CEP57L1: variants seen among roughly 807,000 people sequenced by gnomAD.
CEP57L1 encodes centrosomal protein 57 like 1.
In CEP57L1, 37 loss-of-function variants were observed where a neutral mutation model predicts 61.0. The ratio of observed to expected loss-of-function variants is 0.61; its 90% confidence interval spans 0.47 to 0.80. The LOEUF (loss-of-function observed/expected upper bound fraction) is 0.80. CEP57L1 is among the 30% of genes least tolerant of loss of function. CEP57L1 has a pLI of 0.00. For missense variants in CEP57L1, 422 were observed against 524.7 expected, an observed-to-expected ratio of 0.80 and a Z score of 1.91; for synonymous variants, 137 against 162.3, an observed-to-expected ratio of 0.84 and a Z score of 1.19.
intron 1 of CEP57L1, among the ~76,000 whole-genome samples, chr6:109,121,150 G>A (rs1461451802): frequency 6.6e-6 from 1 of 152,116 alleles, no homozygotes; most frequent in Admixed American, 6.6e-5. Flanking sequence ...GTTAGCAGTG[G>A]TTGTTTGTAT....
intron 1 of CEP57L1, among the ~76,000 whole-genome samples, chr6:109,128,953 C>T (rs536966134): frequency 6.6e-6 from 1 of 152,238 alleles, no homozygotes; most frequent in Admixed American, 6.5e-5. Flanking sequence ...AATCCCAGCA[C>T]TTTGGGAGGC....
chr6:109,161,674 G>T (rs1333672089), intron 10 of CEP57L1, among the ~76,000 whole-genome samples: 2 of 152,026 alleles, frequency 1.3e-5, no homozygotes, highest in African/African-American at 4.8e-5. Flanking sequence ...GATTGTTTTG[G>T]AGTGAAGATT....
chr6:109,154,371 G>A (rs1165133628), intron 5 of CEP57L1, among the ~76,000 whole-genome samples: 1 of 152,036 alleles, frequency 6.6e-6, no homozygotes, highest in Non-Finnish European at 1.5e-5. Context: ...CACTCAGGAA[G>A]TTCTCCCTTT....
intron 1 of CEP57L1, among the ~76,000 whole-genome samples, chr6:109,096,977 G>A (rs1326138411): frequency 6.6e-6 from 1 of 152,054 alleles, no homozygotes; most frequent in Non-Finnish European, 1.5e-5. Flanking sequence ...ATATCTCTTG[G>A]ATATTTCTTC....
intron 1 of CEP57L1, among the ~76,000 whole-genome samples, chr6:109,127,537 C>CT (rs1007644336): frequency 7.3e-5 from 11 of 151,578 alleles, no homozygotes; most frequent in Non-Finnish European, 1.6e-4. Flanking sequence ...CTTAACATTC[C>CT]TTTTTTTTAA....
intron 4 of CEP57L1, among the ~76,000 whole-genome samples, chr6:109,153,231 C>CTTTTT (rs34538762): frequency 1.3e-5 from 1 of 79,000 alleles, no homozygotes; most frequent in East Asian, 4.4e-4. Flanking sequence ...CTAATCTGCA[C>CTTTTT]TTTTTTTTTT....
At chr6:109,158,886 T>C (rs2114952082) in intron 7 of CEP57L1, 139 bp from the exon 8 acceptor site, 1 of 733,066 alleles carries the variant, frequency 1.4e-6, no homozygotes, top group Non-Finnish European at 2.3e-6. Flanking sequence ...TACGTATGTC[T>C]ATGTCAGTGA....
At chr6:109,098,164 C>A (rs1781940653) in intron 1 of CEP57L1, among the ~76,000 whole-genome samples, 1 of 152,148 alleles carries the variant, frequency 6.6e-6, no homozygotes, top group Non-Finnish European at 1.5e-5. Flanking sequence ...CTCCCTCTGT[C>A]TCAACGGAGT....
intron 1 of CEP57L1, among the ~76,000 whole-genome samples, chr6:109,114,685 G>C (rs1772074629): frequency 6.6e-6 from 1 of 152,112 alleles, no homozygotes; most frequent in Non-Finnish European, 1.5e-5. Flanking sequence ...AAGGGGCAGG[G>C]GATGGGAAGA....
intron 1 of CEP57L1, among the ~76,000 whole-genome samples, chr6:109,140,951 C>G (rs1771301499): frequency 6.6e-6 from 1 of 152,004 alleles, no homozygotes; most frequent in South Asian, 2.1e-4. Context: ...CTGCCTCAGC[C>G]TCCTGAGTAG....
At chr6:109,122,272 TG>T (rs1773063451) in intron 1 of CEP57L1, among the ~76,000 whole-genome samples, 1 of 152,204 alleles carries the variant, frequency 6.6e-6, no homozygotes, top group South Asian at 2.1e-4. Flanking sequence ...AGGTGAATAC[TG>T]GCTTTTAGAT....
At chr6:109,115,690 A>C (rs1008558475) in intron 1 of CEP57L1, among the ~76,000 whole-genome samples, 15 of 152,212 alleles carry the variant, frequency 9.9e-5, no homozygotes, top group Non-Finnish European at 1.8e-4. Context: ...AAGGGTCCAC[A>C]GTTAGAGTCC....
At chr6:109,095,434 G>C, upstream of CEP57L1, 2 of 985,888 alleles carry the variant, frequency 2.0e-6, no homozygotes, top group Non-Finnish European at 2.4e-6. Context: ...GCGTTGACTT[G>C]TGGGGAATGT....
chr6:109,109,651 A>G (rs1460880568), intron 1 of CEP57L1, among the ~76,000 whole-genome samples: 1 of 152,202 alleles, frequency 6.6e-6, no homozygotes, highest in Non-Finnish European at 1.5e-5. Context: ...TCAACCCATC[A>G]TCTACATTAG....
At position 109,146,751 on chromosome 6, in the gene CEP57L1, T is replaced by C; in HGVS notation, c.161-7T>C. ...CTTAAAATATCAACAAAATTTTTTT[T>C]CAACAGCTCTTATTTTAGCCTTAAA... On this transcript the variant is annotated splice_region_variant and splice_polypyrimidine_tract_variant and intron_variant, in intron 2 of 10. Coordinates refer to ENST00000517392, the MANE Select transcript of CEP57L1 (RefSeq NM_001271852.3). The C allele has an allele frequency of 5.9e-6, 9 of 1,535,520 alleles. No homozygotes were observed. Among genetic ancestry groups the C allele is most frequent in the Non-Finnish European group, 7.9e-6 (9 of 1,145,698 alleles).
At chr6:109,132,806 A>G (rs980781861) in intron 1 of CEP57L1, among the ~76,000 whole-genome samples, 30 of 152,232 alleles carry the variant, frequency 2.0e-4, no homozygotes, top group African/African-American at 7.2e-4. Context: ...ACTGTTAGAT[A>G]TGAAATGCTA....
At position 109,172,582 on chromosome 6, in the gene CEP57L1, C is replaced by T. The variant is rs567268730; in HGVS notation, c.*9612C>T. Among the ~76,000 whole-genome samples, 2 of 152,246 alleles carry T rather than the reference C, an allele frequency of 1.3e-5. No individual in the cohort carries two copies. The highest frequency in any genetic ancestry group is 4.8e-5 in the African/African-American group (2 of 41,546). On this transcript the variant is annotated 3_prime_UTR_variant, in exon 11 of 11. Coordinates refer to ENST00000517392, the MANE Select transcript of CEP57L1 (RefSeq NM_001271852.3). ...GACTTGCTATGTTGATCCTTTACTG[C>T]GGTATTGTTTTTTGTTTTCTGACCC...
chr6:109,134,656 A>G (rs929356637), intron 1 of CEP57L1, among the ~76,000 whole-genome samples: 1 of 152,250 alleles, frequency 6.6e-6, no homozygotes, highest in African/African-American at 2.4e-5. Context: ...TTGTATATGT[A>G]GACAACCCCA....
At chr6:109,133,817 A>T (rs1774483559) in intron 1 of CEP57L1, among the ~76,000 whole-genome samples, 1 of 152,224 alleles carries the variant, frequency 6.6e-6, no homozygotes, top group Admixed American at 6.5e-5. Flanking sequence ...TCTAGAAGAA[A>T]CGGACAAATT....
Sources: allele counts gnomAD v4.1 joint callset (sites outside exome capture counted in the v4.1 genomes callset), GRCh38; gene constraint gnomAD v4.1.1; transcripts MANE v1.5; gene names NCBI Gene and HGNC (gene_info 2026-07-23, HGNC 2026-07-21).